TRPM3: variants seen among roughly 807,000 people sequenced by gnomAD.
The protein encoded by TRPM3 is transient receptor potential cation channel subfamily M member 3.
A neutral mutation model predicts 181.2 loss-of-function variants in TRPM3; 77 were observed. That is an observed-to-expected ratio of 0.42 (90% confidence interval 0.35 to 0.51). TRPM3 has a LOEUF of 0.51. Among genes scored for constraint, TRPM3 ranks in the 20% least tolerant of loss-of-function variants. The pLI, the probability that TRPM3 is intolerant of heterozygous loss-of-function variation, is 0.01. For synonymous variants in TRPM3, 745 were observed against 796.4 expected (o/e 0.94, Z 1.09); for missense variants, 1,759 against 2,196.7 (o/e 0.80, Z 3.98).
At position 70,928,670 on chromosome 9, in the gene TRPM3, C is replaced by G. The variant is rs145614110; in HGVS notation, c.178-64159G>C. On this transcript the variant is annotated intron_variant, in intron 1 of 25. Coordinates refer to ENST00000677713, the MANE Select transcript of TRPM3 (RefSeq NM_001366145.2). ...GATTCAAAAGAAACATCATGACCAA[C>G]CTGAGCCACTGATGGCATGGAGGAG... Among the ~76,000 whole-genome samples the G allele has an allele frequency of 2.5e-3, 386 of 152,268 alleles. 2 individuals are homozygous for G. Among genetic ancestry groups the G allele is most frequent in the African/African-American group, 9.0e-3 (373 of 41,542 alleles).
intron 6 of TRPM3, among the ~76,000 whole-genome samples, chr9:70,821,926 C>A (rs2093206004): frequency 6.6e-6 from 1 of 152,178 alleles, no homozygotes; most frequent in Non-Finnish European, 1.5e-5. Flanking sequence ...TTTAAATTTA[C>A]AACCACAAAT....
At chr9:71,390,579 G>A (rs1273304931) in intron 1 of TRPM3, among the ~76,000 whole-genome samples, 2 of 151,958 alleles carry the variant, frequency 1.3e-5, no homozygotes, top group Middle Eastern at 3.2e-3. Flanking sequence ...AAATGAGTTT[G>A]AGACCAGCTA....
chr9:71,000,031 T>C (rs968575036), intron 1 of TRPM3, among the ~76,000 whole-genome samples: 7 of 152,156 alleles, frequency 4.6e-5, no homozygotes, highest in Non-Finnish European at 1.0e-4. Context: ...ACCTCACTTA[T>C]CCCAAGAAAG....
chr9:70,808,625 A>G (rs1241484212), intron 6 of TRPM3, among the ~76,000 whole-genome samples: 2 of 152,244 alleles, frequency 1.3e-5, no homozygotes, highest in East Asian at 3.8e-4. Context: ...GTCGTTTCAT[A>G]TAATGAAAAA....
chr9:71,258,746 A>G (rs905758168), intron 1 of TRPM3, among the ~76,000 whole-genome samples: 3 of 152,216 alleles, frequency 2.0e-5, no homozygotes, highest in Non-Finnish European at 4.4e-5. Flanking sequence ...AATATTTTAC[A>G]GATAAGAAAT....
At chr9:70,835,648 C>A (rs1321265232) in intron 5 of TRPM3, among the ~76,000 whole-genome samples, 1 of 152,078 alleles carries the variant, frequency 6.6e-6, no homozygotes, top group Non-Finnish European at 1.5e-5. Context: ...AGTTGGGTGA[C>A]CCTAAGCAAG....
At chr9:71,420,803 GAGAGAAAGAA>G (rs2093735360) in intron 1 of TRPM3, among the ~76,000 whole-genome samples, 2 of 9,858 alleles carry the variant, frequency 2.0e-4, no homozygotes, top group Non-Finnish European at 6.1e-4. Context: ...GAGAAAGAAA[GAGAGAAAGAA>G]AGAGAGAAAG....
chr9:70,810,068 GAAGA>G (rs767961175), intron 6 of TRPM3: 1 of 534,598 alleles, frequency 1.9e-6, no homozygotes, highest in Non-Finnish European at 3.8e-6. Context: ...CGAGTCACAT[GAAGA>G]AAGACTGTAG....
chr9:70,680,227 T>C (rs745487780), intron 9 of TRPM3, among the ~76,000 whole-genome samples: 25 of 152,214 alleles, frequency 1.6e-4, no homozygotes, highest in Non-Finnish European at 3.2e-4. Flanking sequence ...GCGAATTACT[T>C]AACTTCCTGT....
chr9:70,881,977 T>C (rs1056894487), intron 1 of TRPM3, among the ~76,000 whole-genome samples: 1 of 152,180 alleles, frequency 6.6e-6, no homozygotes, highest in Non-Finnish European at 1.5e-5. Flanking sequence ...TCTTAAACAA[T>C]CATAAAGTAT....
At chr9:71,258,902 T>C (rs2082850060) in intron 1 of TRPM3, among the ~76,000 whole-genome samples, 1 of 152,192 alleles carries the variant, frequency 6.6e-6, no homozygotes, top group Admixed American at 6.6e-5. Flanking sequence ...GAGCTTTTCT[T>C]TCTTAATTAT....
intron 1 of TRPM3, among the ~76,000 whole-genome samples, chr9:70,899,216 C>T (rs1235439731): frequency 1.3e-5 from 2 of 152,216 alleles, no homozygotes; most frequent in Admixed American, 6.5e-5. Context: ...TTATAAACTA[C>T]ACTCACTGAT....
At chr9:71,387,142 G>A (rs930655399) in intron 1 of TRPM3, among the ~76,000 whole-genome samples, 21 of 152,114 alleles carry the variant, frequency 1.4e-4, no homozygotes, top group African/African-American at 2.2e-4. Flanking sequence ...AATTAGACTC[G>A]ATTTTTGAAA....
intron 1 of TRPM3, among the ~76,000 whole-genome samples, chr9:70,868,299 C>T (rs1019859537): frequency 7.9e-5 from 12 of 152,068 alleles, no homozygotes; most frequent in East Asian, 5.8e-4. Flanking sequence ...AATTAAAAGA[C>T]ATCATATTCA....
rs561981185 is a variant in TRPM3, at chr9:70,549,009, T to C, written c.3707+533A>G. On this transcript the variant is annotated intron_variant, in intron 25 of 25. Transcript: ENST00000677713. Reference sequence around the variant, plus strand: ...CTTTTATTATTTTTTTTTGCTTTCATCTTGTTCTATAAAAAGGAAAAACAA... The same window carrying C: ...CTTTTATTATTTTTTTTTGCTTTCACCTTGTTCTATAAAAAGGAAAAACAA... Among the ~76,000 whole-genome samples the C allele has an allele frequency of 6.6e-5, 10 of 152,290 alleles. No individual in the cohort carries two copies. In the East Asian group the frequency reaches 1.9e-3, roughly 29 times the overall value.
At chr9:71,258,521 T>A (rs1256473527) in intron 1 of TRPM3, among the ~76,000 whole-genome samples, 3 of 152,212 alleles carry the variant, frequency 2.0e-5, no homozygotes, top group African/African-American at 7.2e-5. Context: ...GAAAAGTGAA[T>A]GACTTACATG....
chr9:71,269,534 A>G (rs2083632883), intron 1 of TRPM3, among the ~76,000 whole-genome samples: 1 of 152,216 alleles, frequency 6.6e-6, no homozygotes, highest in Admixed American at 6.5e-5. Flanking sequence ...CTTTATAAAG[A>G]GCAAGACTCA....
At position 71,105,735 on chromosome 9, in the gene TRPM3, T is replaced by A. The variant is rs185005619; in HGVS notation, c.177+15443A>T. The stretch of plus-strand genomic sequence containing the variant: ...AACTGGCTAGCCCTAGGAGAGGCGT[T>A]CTCTTCTCAGCCAGAAAAGTCTTTT... On this transcript the variant is annotated intron_variant, in intron 1 of 25. Transcript: ENST00000677713. 1.5e-3 allele frequency among the ~76,000 whole-genome samples: 235 copies of A among 152,240 alleles called. 2 individuals carry two copies. The highest frequency in any genetic ancestry group is 2.9e-3 in the South Asian group (14 of 4,824).
intron 1 of TRPM3, among the ~76,000 whole-genome samples, chr9:71,302,180 G>GA (rs11398353): frequency 0.19 from 28,312 of 151,552 alleles, 2,913 homozygotes; most frequent in Admixed American, 0.25. Flanking sequence ...TTACACATTT[G>GA]AAAAAAAATC....
Sources: allele counts gnomAD v4.1 joint callset (sites outside exome capture counted in the v4.1 genomes callset), GRCh38; gene constraint gnomAD v4.1.1; transcripts MANE v1.5; gene names NCBI Gene and HGNC (gene_info 2026-07-23, HGNC 2026-07-21).